SOS2: variants seen among roughly 807,000 people sequenced by gnomAD.
SOS2 encodes son of sevenless homolog 2.
Under a neutral mutation model 148.2 loss-of-function variants are expected in SOS2, and 65 were observed. The ratio of observed to expected loss-of-function variants is 0.44; its 90% CI spans 0.36 to 0.54. SOS2 has a LOEUF of 0.54. Ranked by LOEUF, SOS2 falls within the 20% of genes least tolerant of loss-of-function variation. The pLI is 0.00. For missense variants in SOS2, 1,341 were observed against 1,590.2 expected, an observed-to-expected ratio of 0.84 and a Z score of 2.67; for synonymous variants, 539 against 537.1, an observed-to-expected ratio of 1.00 and a Z score of -0.05.
rs1001014475 is a variant in SOS2 at position 50,138,025 on chromosome 14, G to A, written c.2958+587C>T. On this transcript the variant is annotated intron_variant, in intron 18 of 22. Coordinates refer to ENST00000216373, the MANE Select transcript of SOS2 (RefSeq NM_006939.4). Reference sequence around the variant, plus strand: ...CGGCTAATTTTTTGTATTTTTAGTAGAGACAGGGTTTCACCATGTTGGTCA... The same window carrying A: ...CGGCTAATTTTTTGTATTTTTAGTAAAGACAGGGTTTCACCATGTTGGTCA... 4.6e-5 allele frequency among the ~76,000 whole-genome samples: 7 copies of A among 151,802 alleles called. No individual in the cohort carries two copies. In the East Asian group the frequency reaches 7.7e-4, roughly 17 times the overall value.
At chr14:50,177,541 C>T (rs1040197527) in intron 7 of SOS2, among the ~76,000 whole-genome samples, 3 of 151,680 alleles carry the variant, frequency 2.0e-5, no homozygotes, top group Admixed American at 6.6e-5. Context: ...CATTCAAATT[C>T]CACAGCAAAA....
chr14:50,208,477 C>T (rs562807616), intron 1 of SOS2, among the ~76,000 whole-genome samples: 124 of 151,678 alleles, frequency 8.2e-4, no homozygotes, highest in Non-Finnish European at 1.5e-3. Context: ...GGTGAAACCC[C>T]GCCTCTACTA....
intron 14 of SOS2, among the ~76,000 whole-genome samples, chr14:50,145,965 T>C (rs1201993713): frequency 6.6e-6 from 1 of 151,506 alleles, no homozygotes; most frequent in Non-Finnish European, 1.5e-5. Context: ...AAAAACCCCG[T>C]CTCTACTAAA....
intron 1 of SOS2, 75 bp from the exon 2 acceptor site, chr14:50,204,484 TATA>T (rs1268592771): frequency 1.1e-6 from 1 of 880,260 alleles, no homozygotes; most frequent in Non-Finnish European, 1.8e-6. Context: ...GAATCTTATA[TATA>T]ATATTTTACT....
chr14:50,210,653 TCTAGAA>T (rs1425771856), intron 1 of SOS2, among the ~76,000 whole-genome samples: 2 of 151,732 alleles, frequency 1.3e-5, no homozygotes, highest in Non-Finnish European at 2.9e-5. Context: ...AAGGCTCATA[TCTAGAA>T]TATATAGAGA....
At chr14:50,178,739 T>TATAG in intron 7 of SOS2, among the ~76,000 whole-genome samples, 1 of 141,298 alleles carries the variant, frequency 7.1e-6, no homozygotes, top group Non-Finnish European at 1.5e-5. Flanking sequence ...CATATATATA[T>TATAG]ATATATTTTT....
chr14:50,156,531 T>C (rs1884827264), intron 12 of SOS2: 1 of 152,292 alleles, frequency 6.6e-6, no homozygotes, highest in Non-Finnish European at 1.5e-5. Context: ...CTAACAAATG[T>C]CTATATATTT....
chr14:50,231,139 C>T (rs1392479947), intron 1 of SOS2, 58 bp downstream of exon 1: 11 of 1,070,824 alleles, frequency 1.0e-5, no homozygotes, highest in Non-Finnish European at 1.4e-5. Flanking sequence ...ACCTGCTCCC[C>T]GTTAGAAGCT....
intron 5 of SOS2, 99 bp downstream of exon 5, chr14:50,188,398 A>T (rs1392837492): frequency 1.3e-6 from 1 of 791,908 alleles, no homozygotes; most frequent in Non-Finnish European, 2.1e-6. Context: ...ACAGAGCAAG[A>T]CTCCGTCTCA....
rs764819181 is a variant in SOS2 at position 50,118,368 on chromosome 14, T to C, written c.3975A>G (p.Leu1325=). ...GTCATTGGGGAGTTTCTGCATTTTC[T>C]AGCAAAGGCAGTCTGTACAATGGGG... is the stretch of plus-strand genomic sequence containing the variant. ...SHPPLYRLPL[L]ENAETPQ Residue 1325 remains leucine, a synonymous_variant, in exon 23 of 23, where the codon CTA becomes CTG. Coordinates refer to ENST00000216373, the MANE Select transcript of SOS2 (RefSeq NM_006939.4). The C allele has an allele frequency of 2.2e-5, 36 of 1,613,924 alleles. No homozygotes were observed. The highest frequency in any genetic ancestry group is 6.7e-5 in the East Asian group (3 of 44,886).
At chr14:50,212,996 G>A (rs530553520) in intron 1 of SOS2, among the ~76,000 whole-genome samples, 3 of 152,280 alleles carry the variant, frequency 2.0e-5, no homozygotes, top group Admixed American at 6.5e-5. Context: ...TATCTCTCAC[G>A]TAGTCTTTCT....
chr14:50,191,151 T>C (rs1886122400), intron 4 of SOS2, among the ~76,000 whole-genome samples: 1 of 152,054 alleles, frequency 6.6e-6, no homozygotes, highest in Admixed American at 6.6e-5. Flanking sequence ...AGCTGACCAT[T>C]CTCTCATTCT....
intron 4 of SOS2, among the ~76,000 whole-genome samples, chr14:50,194,955 C>T (rs1479653931): frequency 6.6e-6 from 1 of 151,784 alleles, no homozygotes; most frequent in Non-Finnish European, 1.5e-5. Context: ...CAGACTTGTA[C>T]ACTTTACAAA....
At chr14:50,202,735 T>C (rs1314459499) in intron 2 of SOS2, among the ~76,000 whole-genome samples, 1 of 151,380 alleles carries the variant, frequency 6.6e-6, no homozygotes, top group Non-Finnish European at 1.5e-5. Flanking sequence ...ACCCTGTCTC[T>C]TAAAACAAAA....
chr14:50,184,459 A>AC (rs1885843582), intron 5 of SOS2, among the ~76,000 whole-genome samples: 1 of 152,146 alleles, frequency 6.6e-6, no homozygotes, highest in South Asian at 2.1e-4. Context: ...CATAATGAGT[A>AC]CCTTTGATAA....
chr14:50,122,219 G>A (rs771913498), intron 21 of SOS2, among the ~76,000 whole-genome samples: 3 of 151,930 alleles, frequency 2.0e-5, no homozygotes, highest in Non-Finnish European at 4.4e-5. Flanking sequence ...CTCTTTTTTG[G>A]AAACGCATTC....
intron 13 of SOS2, 25 bp downstream of exon 13, chr14:50,153,045 T>G (rs1293194257): frequency 1.8e-6 from 2 of 1,100,774 alleles, no homozygotes; most frequent in East Asian, 4.8e-5. Flanking sequence ...AATATAAGAT[T>G]CAATCAAACC....
At chr14:50,226,641 C>G (rs981510925) in intron 1 of SOS2, among the ~76,000 whole-genome samples, 2 of 152,208 alleles carry the variant, frequency 1.3e-5, no homozygotes, top group Non-Finnish European at 2.9e-5. Context: ...TCTAATTGGA[C>G]TCAGGAACAA....
intron 14 of SOS2, among the ~76,000 whole-genome samples, chr14:50,148,071 A>C (rs1884547774): frequency 6.6e-6 from 1 of 152,198 alleles, no homozygotes; most frequent in Non-Finnish European, 1.5e-5. Flanking sequence ...ACTTGCTAAC[A>C]GTTTCTGAAA....
Sources: gnomAD v4.1 joint callset for allele counts (sites outside exome capture counted in the v4.1 genomes callset) on GRCh38, gnomAD v4.1.1 for gene constraint, MANE v1.5 for transcripts, NCBI Gene and HGNC (gene_info 2026-07-23, HGNC 2026-07-21) for gene names.